The following GHR variants were observed in gnomAD, a reference collection of about 807,000 sequenced individuals.
GHR encodes growth hormone receptor, also known as GH receptor.
Under a neutral mutation model 67.1 loss-of-function variants are expected in GHR, and 35 were observed. The ratio of observed to expected loss-of-function variants is 0.52; its 90% CI spans 0.40 to 0.69. The LOEUF (loss-of-function observed/expected upper bound fraction) is 0.69. Among genes scored for constraint, GHR ranks in the 30% least tolerant of loss-of-function variants. The pLI, the probability that GHR is intolerant of heterozygous loss-of-function variation, is 0.00. For synonymous variants in GHR, 272 were observed against 269.1 expected, an observed-to-expected ratio of 1.01 and a Z score of -0.10; for missense variants, 792 against 764.6, an observed-to-expected ratio of 1.04 and a Z score of -0.42.
intron 3 of GHR, among the ~76,000 whole-genome samples, chr5:42,657,876 G>T (rs1755340653): frequency 6.6e-6 from 1 of 152,092 alleles, no homozygotes; most frequent in Non-Finnish European, 1.5e-5. Flanking sequence ...CCACCTAATA[G>T]TAGCTGGGTA....
chr5:42,663,525 T>C (rs1200675052), intron 3 of GHR, among the ~76,000 whole-genome samples: 2,616 of 152,068 alleles, frequency 0.017, 134 homozygotes, highest in South Asian at 0.15. Context: ...GCAGAAAAGT[T>C]CTTTGACAAA....
chr5:42,563,049 C>A (rs937401961), intron 1 of GHR, among the ~76,000 whole-genome samples: 23 of 152,146 alleles, frequency 1.5e-4, no homozygotes, highest in African/African-American at 4.8e-4. Context: ...GAAGCAAATG[C>A]CACTTGTTTG....
intron 3 of GHR, among the ~76,000 whole-genome samples, chr5:42,679,661 GT>G (rs1401732711): frequency 1.3e-5 from 2 of 151,904 alleles, no homozygotes; most frequent in Non-Finnish European, 2.9e-5. Context: ...AAGCACAGCT[GT>G]TGAGTTGGAA....
intron 1 of GHR, among the ~76,000 whole-genome samples, chr5:42,472,100 G>A (rs1745035712): frequency 6.6e-6 from 1 of 152,192 alleles, no homozygotes. Context: ...TGCAAAATCT[G>A]ATGATGAGCT....
At chr5:42,619,662 C>T (rs1753340425) in intron 2 of GHR, 1 of 152,090 alleles carries the variant, frequency 6.6e-6, no homozygotes. Context: ...CTCTGAAATA[C>T]CTACTTCCAA....
chr5:42,444,899 C>T (rs548257882), intron 1 of GHR, among the ~76,000 whole-genome samples: 3 of 152,250 alleles, frequency 2.0e-5, no homozygotes, highest in South Asian at 2.1e-4. Flanking sequence ...TATTAAGACT[C>T]GCGATTTCTC....
intron 2 of GHR, among the ~76,000 whole-genome samples, chr5:42,579,783 C>G (rs1258812512): frequency 6.6e-6 from 1 of 152,150 alleles, no homozygotes; most frequent in African/African-American, 2.4e-5. Flanking sequence ...GATTAAATTT[C>G]ATCAGTCTTA....
chr5:42,518,703 G>A (rs753531109), intron 1 of GHR, among the ~76,000 whole-genome samples: 3 of 152,042 alleles, frequency 2.0e-5, no homozygotes, highest in African/African-American at 4.8e-5. Context: ...GAGCGCACTC[G>A]GCCTAGATGA....
intron 1 of GHR, among the ~76,000 whole-genome samples, chr5:42,488,058 A>G (rs181652554): frequency 6.6e-6 from 1 of 152,304 alleles, no homozygotes; most frequent in East Asian, 1.9e-4. Flanking sequence ...CACACAGTCT[A>G]CTTGCTGTGT....
intron 1 of GHR, chr5:42,548,255 C>T (rs1027520753): frequency 5.1e-6 from 5 of 985,128 alleles, no homozygotes; most frequent in South Asian, 9.4e-5. Flanking sequence ...TTGAGAATGA[C>T]TGATTTGGGA....
At chr5:42,585,721 A>G (rs1318704591) in intron 2 of GHR, among the ~76,000 whole-genome samples, 2 of 152,192 alleles carry the variant, frequency 1.3e-5, no homozygotes, top group African/African-American at 4.8e-5. Flanking sequence ...TTATTTTAAG[A>G]TGCATAAAAT....
chr5:42,675,640 A>T (rs1338886029), intron 3 of GHR, among the ~76,000 whole-genome samples: 1 of 152,240 alleles, frequency 6.6e-6, no homozygotes, highest in Non-Finnish European at 1.5e-5. Flanking sequence ...AAGGGAAGTT[A>T]TACAATACAT....
intron 1 of GHR, among the ~76,000 whole-genome samples, chr5:42,542,847 A>G (rs1383576019): frequency 6.6e-6 from 1 of 152,006 alleles, no homozygotes; most frequent in Non-Finnish European, 1.5e-5. Context: ...TTGCATACCC[A>G]TAGCTTACCT....
chr5:42,557,455 A>G (rs1749371236), intron 1 of GHR, among the ~76,000 whole-genome samples: 1 of 152,210 alleles, frequency 6.6e-6, no homozygotes, highest in African/African-American at 2.4e-5. Flanking sequence ...ATTTGTTACT[A>G]CTACCAAGAA....
intron 1 of GHR, among the ~76,000 whole-genome samples, chr5:42,492,153 T>C (rs1746141695): frequency 6.6e-6 from 1 of 152,158 alleles, no homozygotes; most frequent in African/African-American, 2.4e-5. Context: ...TGCGTGTGTA[T>C]TGCCACCATG....
chr5:42,675,392 C>T (rs1048165206), intron 3 of GHR, among the ~76,000 whole-genome samples: 27 of 152,038 alleles, frequency 1.8e-4, no homozygotes, highest in Non-Finnish European at 3.2e-4. Context: ...GGTCTCATTA[C>T]GAGTCAGTAT....
At chr5:42,539,257 C>A (rs893057314) in intron 1 of GHR, among the ~76,000 whole-genome samples, 3 of 152,114 alleles carry the variant, frequency 2.0e-5, no homozygotes, top group Admixed American at 1.3e-4. Context: ...TGTTAAAGAG[C>A]CTTGCTTTGT....
chr5:42,561,564 T>G (rs1168610949), intron 1 of GHR, among the ~76,000 whole-genome samples: 1 of 152,214 alleles, frequency 6.6e-6, no homozygotes, highest in Non-Finnish European at 1.5e-5. Flanking sequence ...CCTAATTATG[T>G]AATTTGGAGG....
At chr5:42,689,501 C>G (rs1757320904) in intron 4 of GHR, among the ~76,000 whole-genome samples, 2 of 152,000 alleles carry the variant, frequency 1.3e-5, no homozygotes, top group Non-Finnish European at 2.9e-5. Flanking sequence ...AATGCGTGGT[C>G]CTAGGAGGCC....
Sources: allele counts gnomAD v4.1 joint callset (sites outside exome capture counted in the v4.1 genomes callset), GRCh38; gene constraint gnomAD v4.1.1; transcripts MANE v1.5; gene names NCBI Gene and HGNC (gene_info 2026-07-23, HGNC 2026-07-21).